Variants in HUNK observed in about 807,000 individuals in gnomAD.
HUNK encodes the protein hormonally up-regulated neu tumor-associated kinase.
HUNK carries 21 observed loss-of-function variants against 61.0 expected under a neutral mutation model. That is an observed-to-expected ratio of 0.34 (90% CI 0.24 to 0.50). HUNK has a LOEUF of 0.50. HUNK is among the 20% of genes least tolerant of loss of function. The pLI is 0.98. For missense variants in HUNK, 772 were observed against 945.7 expected, an observed-to-expected ratio of 0.82 and a Z score of 2.41; for synonymous variants, 371 against 386.1, an observed-to-expected ratio of 0.96 and a Z score of 0.46.
intron 1 of HUNK, among the ~76,000 whole-genome samples, chr21:31,875,005 G>T (rs902160507): frequency 6.6e-6 from 1 of 152,184 alleles, no homozygotes; most frequent in Non-Finnish European, 1.5e-5. Context: ...CCAAGCTCCT[G>T]TCATCTCGGG....
Position 31,892,209 on chromosome 21 carries a change from AGT to A in HUNK, c.261+18295_261+18296del, listed in dbSNP as rs1302324059. ...GAGAGAGAGAGAGAGAGAGAGAGAG[AGT>A]GTGTGTGTGTGTGTGTGTGTACAGC... On this transcript the variant is annotated intron_variant, in intron 1 of 10. Transcript: ENST00000270112. Among the ~76,000 whole-genome samples the A allele has an allele frequency of 6.7e-3, 762 of 114,178 alleles. 3 individuals carry two copies. The highest frequency in any genetic ancestry group is 8.6e-3 in the Admixed American group (96 of 11,224). 74.9% of individuals were successfully genotyped at this position (114,178 alleles called of 152,430 possible). A position where few individuals can be genotyped will look rare whatever the true frequency, so the allele number is the denominator to read the frequency against.
intron 2 of HUNK, 72 bp from the exon 3 acceptor site, chr21:31,940,093 C>A: frequency 7.8e-7 from 1 of 1,285,532 alleles, no homozygotes; most frequent in Non-Finnish European, 1.1e-6. Context: ...GTTCATTTCC[C>A]TTCAGAAGCA....
Position 31,924,750 on chromosome 21 carries a change from G to T in HUNK, c.544G>T (p.Val182Leu). The change falls in exon 2 of 11, where the codon GTG becomes TTG. Residue 182 changes from valine to leucine, a missense_variant. Coordinates refer to ENST00000270112, the MANE Select transcript of HUNK (RefSeq NM_014586.2). This position sits in a 1 kb window ranked among gnomAD's most constrained non-coding sequence, Gnocchi z 5.1. ...CGTAGAGCACCTGCACCGGGCCGGG[G>T]TGGTCCACAGGTAAGGGCCAGGCCA... is the stretch of plus-strand genomic sequence containing the variant. ...SAVEHLHRAG[V>L]VHRDLKIENL... 1 of 1,607,056 alleles carries T rather than the reference G, an allele frequency of 6.2e-7. No individual in the cohort carries two copies. The highest frequency in any genetic ancestry group is 2.2e-5 in the East Asian group (1 of 44,852).
intron 2 of HUNK, among the ~76,000 whole-genome samples, chr21:31,929,558 G>T (rs2052683461): frequency 6.6e-6 from 1 of 152,190 alleles, no homozygotes; most frequent in African/African-American, 2.4e-5. Context: ...CGCCGATTCT[G>T]CTGAGAGGCT....
rs1019120638 is a variant in HUNK, at chr21:31,945,333, C to A, written c.611-703C>A. Among the ~76,000 whole-genome samples the A allele has an allele frequency of 5.3e-5, 8 of 152,274 alleles. No homozygotes were observed. In the South Asian group the frequency reaches 1.7e-3, roughly 32 times the overall value. ...ACTCGATGCAGTGGGCTTTCTCCCC[C>A]CTCTTCCTGGGCATCTTAATCATCC... On this transcript the variant is annotated intron_variant, in intron 3 of 10. Transcript: ENST00000270112.
chr21:31,881,093 C>T lies in HUNK; in HGVS notation c.261+7158C>T, dbSNP rs923714752. ...CTGAGGGCGGTTCCTGGGGAGAGCT[C>T]ACAGCTGATAGCCTGCAGCTGAGGC... is the stretch of plus-strand genomic sequence containing the variant. On this transcript the variant is annotated intron_variant, in intron 1 of 10. Coordinates refer to ENST00000270112, the MANE Select transcript of HUNK (RefSeq NM_014586.2). Among the ~76,000 whole-genome samples, 19 of 152,208 alleles carry T rather than the reference C, an allele frequency of 1.2e-4. 1 individual carries two copies. The highest frequency in any genetic ancestry group is 2.4e-4 in the Non-Finnish European group (16 of 68,042).
intron 8 of HUNK, among the ~76,000 whole-genome samples, chr21:31,988,486 A>C (rs1376702420): frequency 4.6e-5 from 7 of 152,140 alleles, no homozygotes; most frequent in Admixed American, 3.3e-4. Context: ...CAAGCACCAC[A>C]AAATGGGTAG....
chr21:31,948,187 G>A (rs566020888), intron 4 of HUNK, among the ~76,000 whole-genome samples: 139 of 152,320 alleles, frequency 9.1e-4, no homozygotes, highest in Non-Finnish European at 1.6e-3. Context: ...GCTCTCCAAC[G>A]TGGCGTGTGG....
chr21:31,900,460 C>CACACACAT, intron 1 of HUNK, among the ~76,000 whole-genome samples: 1 of 151,784 alleles, frequency 6.6e-6, no homozygotes. Flanking sequence ...CACACACACA[C>CACACACAT]ACACACACAC....
At chr21:31,946,378 A>G (rs1013280227) in intron 4 of HUNK, among the ~76,000 whole-genome samples, 2 of 151,936 alleles carry the variant, frequency 1.3e-5, no homozygotes, top group African/African-American at 2.4e-5. Context: ...ACCAAAATTC[A>G]CTGCGGTGCT....
intron 1 of HUNK, among the ~76,000 whole-genome samples, chr21:31,906,867 T>C (rs1420922644): frequency 6.6e-6 from 1 of 152,120 alleles, no homozygotes; most frequent in African/African-American, 2.4e-5. Context: ...CATGTAGCTG[T>C]TGAACACTTG....
At chr21:31,932,475 A>G (rs2052705030) in intron 2 of HUNK, among the ~76,000 whole-genome samples, 1 of 152,112 alleles carries the variant, frequency 6.6e-6, no homozygotes, top group Non-Finnish European at 1.5e-5. Context: ...GTTGCTTGGT[A>G]GGCTGTGGGG....
intron 1 of HUNK, among the ~76,000 whole-genome samples, chr21:31,879,750 C>T (rs865790597): frequency 5.3e-5 from 8 of 152,144 alleles, no homozygotes; most frequent in East Asian, 1.9e-4. Flanking sequence ...CATGTGCCCC[C>T]GAAGAGAGGG....
At chr21:31,950,069 C>G (rs775835355) in intron 4 of HUNK, among the ~76,000 whole-genome samples, 11 of 152,198 alleles carry the variant, frequency 7.2e-5, no homozygotes, top group Non-Finnish European at 1.3e-4. Flanking sequence ...GCCCCTGAAT[C>G]ACCACCCTCT....
intron 6 of HUNK, among the ~76,000 whole-genome samples, chr21:31,972,674 C>G (rs779961942): frequency 6.6e-6 from 1 of 152,192 alleles, no homozygotes; most frequent in Admixed American, 6.5e-5. Context: ...TTTTAATAAA[C>G]AAACTTGTTA....
At chr21:31,995,581 C>T (rs2053198756) in intron 9 of HUNK, among the ~76,000 whole-genome samples, 187 bp from the exon 10 acceptor site, 1 of 152,198 alleles carries the variant, frequency 6.6e-6, no homozygotes, top group African/African-American at 2.4e-5. Context: ...GCTGCCCAGG[C>T]AGAGGGAGAT....
chr21:31,984,601 G>A (rs563103260), intron 8 of HUNK, among the ~76,000 whole-genome samples: 2 of 152,292 alleles, frequency 1.3e-5, no homozygotes, highest in African/African-American at 4.8e-5. Flanking sequence ...CTAGGCTCCT[G>A]TAGCAAACAT....
intron 7 of HUNK, among the ~76,000 whole-genome samples, chr21:31,981,394 A>G (rs1015836276): frequency 6.7e-6 from 1 of 149,996 alleles, no homozygotes; most frequent in Non-Finnish European, 1.5e-5. Context: ...TGTTTCTGTG[A>G]AAAACGTCAT....
intron 1 of HUNK, among the ~76,000 whole-genome samples, chr21:31,898,302 G>A (rs553809210): frequency 1.4e-4 from 21 of 152,128 alleles, no homozygotes; most frequent in Non-Finnish European, 2.4e-4. Context: ...TTTCGCTCTT[G>A]TTGCCCAGGC....
Sources: allele counts gnomAD v4.1 joint callset (sites outside exome capture counted in the v4.1 genomes callset), GRCh38; gene constraint gnomAD v4.1.1; non-coding constraint Gnocchi (gnomAD v3.1); transcripts MANE v1.5; gene names NCBI Gene and HGNC (gene_info 2026-07-23, HGNC 2026-07-21).